Variants in TJAP1 observed in about 807,000 individuals in gnomAD.
TJAP1 encodes tight junction associated protein 1.
In TJAP1, 27 loss-of-function variants were observed where a neutral mutation model predicts 42.0. The ratio of observed to expected loss-of-function variants is 0.64; its 90% CI spans 0.47 to 0.89. The LOEUF (loss-of-function observed/expected upper bound fraction) is 0.89, where lower values mean the gene tolerates loss of function less well. Among genes scored for constraint, TJAP1 ranks in the 40% least tolerant of loss-of-function variants. TJAP1 has a pLI of 0.00. For missense variants in TJAP1, 712 were observed against 726.9 expected, an observed-to-expected ratio of 0.98 and a Z score of 0.24; for synonymous variants, 257 against 288.4, an observed-to-expected ratio of 0.89 and a Z score of 1.10.
At chr6:43,503,036 T>G (rs915923306) in intron 8 of TJAP1, 1 of 444,162 alleles carries the variant, frequency 2.3e-6, no homozygotes, top group South Asian at 2.4e-5. Context: ...AGCCTGATGC[T>G]GGAAACAGCT....
rs1185445365 is a variant in TJAP1, at chr6:43,505,547, G to A, written c.1366G>A (p.Val456Met). 2 of 1,613,900 alleles carry A rather than the reference G, an allele frequency of 1.2e-6. No homozygotes were observed. Among genetic ancestry groups the A allele is most frequent in the African/African-American group, 1.3e-5 (1 of 75,058 alleles). ...CCATAGCCCCGCTGACAGAGATGAG[G>A]TGGTCCAGGCACCTTCTGCCCGACC... is the stretch of plus-strand genomic sequence containing the variant. The change falls in exon 11 of 11, where the codon GTG (valine) becomes ATG (methionine). Residue 456 changes from valine to methionine, a missense_variant. By Grantham distance (21) the Val-to-Met change is conservative. Coordinates refer to ENST00000372449, the Ensembl canonical transcript of TJAP1. The surrounding 1 kb of genome is among the most constrained non-coding windows in gnomAD (Gnocchi z 5.5).
chr6:43,478,549 C>A (rs965330154), intron 2 of TJAP1: 4 of 152,226 alleles, frequency 2.6e-5, no homozygotes, highest in African/African-American at 7.2e-5. Context: ...GCTTCAATAT[C>A]CCCATCACTT....
At chr6:43,479,983 G>C (rs1179937310) in intron 2 of TJAP1, among the ~76,000 whole-genome samples, 2 of 151,798 alleles carry the variant, frequency 1.3e-5, no homozygotes, top group African/African-American at 4.8e-5. Context: ...AAGAAAAAAA[G>C]CGTCTCCAAA....
chr6:43,486,018 G>A (rs374639341), intron 2 of TJAP1, among the ~76,000 whole-genome samples: 12 of 150,714 alleles, frequency 8.0e-5, no homozygotes, highest in African/African-American at 2.9e-4. Flanking sequence ...GTTGCTCAGG[G>A]TGGAGTGCAG....
At position 43,504,489 on chromosome 6, in the gene TJAP1, G is replaced by A. The variant is rs1209686942; in HGVS notation, c.580-272G>A. On this transcript the variant is annotated intron_variant, in intron 10 of 10. Transcript: ENST00000372449. ...CTTAAGTATGGTTTGGGCAGAAGCTGGGAGATAGAAGTTTGAGAACATGCT... is the reference window on the plus strand; with the variant it reads ...CTTAAGTATGGTTTGGGCAGAAGCTAGGAGATAGAAGTTTGAGAACATGCT... 5 of 514,924 alleles carry A rather than the reference G, an allele frequency of 9.7e-6. No individual in the cohort carries two copies. The East Asian group carries it at 1.7e-4, about 17-fold the overall frequency. 31.9% of individuals were successfully genotyped at this position (514,924 alleles called of 1,614,324 possible).
exon 7 of TJAP1, chr6:43,502,344 A>G: frequency 6.2e-7 from 1 of 1,613,578 alleles, no homozygotes; most frequent in Non-Finnish European, 8.5e-7. Flanking sequence ...CAAGCTGCAC[A>G]CACTGGTAAT....
chr6:43,490,104 G>A lies in TJAP1; in HGVS notation c.-121-7777G>A, dbSNP rs552884673. Reference sequence around the variant, plus strand: ...CCTCTGTCCTCCATCCTTCCCCGCAGCCTGGCTGCCTCCCTCCTTAGCTTA... The same window carrying A: ...CCTCTGTCCTCCATCCTTCCCCGCAACCTGGCTGCCTCCCTCCTTAGCTTA... On this transcript the variant is annotated intron_variant, in intron 2 of 10. Coordinates refer to ENST00000372449, the Ensembl canonical transcript of TJAP1. Among the ~76,000 whole-genome samples the A allele has an allele frequency of 1.0e-3, 158 of 152,328 alleles. 1 individual carries two copies. The South Asian group carries it at 0.013, about 12-fold the overall frequency.
At chr6:43,496,685 G>GC (rs771665831) in intron 2 of TJAP1, among the ~76,000 whole-genome samples, 6 of 152,322 alleles carry the variant, frequency 3.9e-5, no homozygotes, top group Non-Finnish European at 5.9e-5. Context: ...AGGAGTCATG[G>GC]CCAGGGCATG....
chr6:43,502,862 T>C (rs1295427252), intron 8 of TJAP1: 1 of 581,734 alleles, frequency 1.7e-6, no homozygotes, highest in Non-Finnish European at 3.1e-6. Context: ...CCAAAGCTTC[T>C]TGGCTCCAGT....
At chr6:43,502,493 C>G (rs1791162660) in intron 7 of TJAP1, 95 bp from the exon 8 acceptor site, 2 of 1,516,466 alleles carry the variant, frequency 1.3e-6, no homozygotes, top group Non-Finnish European at 1.8e-6. Context: ...GCAGTGTGCT[C>G]TGCAAGTCAA....
chr6:43,479,365 CTGA>C (rs1398092212), intron 2 of TJAP1, among the ~76,000 whole-genome samples: 1 of 152,224 alleles, frequency 6.6e-6, no homozygotes, highest in Non-Finnish European at 1.5e-5. Flanking sequence ...ATTTGAAGAA[CTGA>C]TGATATGTAG....
intron 2 of TJAP1, among the ~76,000 whole-genome samples, chr6:43,493,889 A>G (rs1479751771): frequency 6.6e-6 from 1 of 152,166 alleles, no homozygotes; most frequent in Non-Finnish European, 1.5e-5. Context: ...AGCAGGTATA[A>G]GTCCCACCTC....
chr6:43,502,534 C>T (rs1274794095), intron 7 of TJAP1, 54 bp from the exon 8 acceptor site: 1 of 1,548,766 alleles, frequency 6.5e-7, no homozygotes, highest in African/African-American at 1.4e-5. Context: ...TGTTTCTCTT[C>T]TTTCCTCGTC....
intron 2 of TJAP1, among the ~76,000 whole-genome samples, chr6:43,493,623 C>T (rs1181420317): frequency 6.6e-6 from 1 of 152,186 alleles, no homozygotes; most frequent in African/African-American, 2.4e-5. Flanking sequence ...TCCTCTTCTG[C>T]ATCTCTGACT....
At position 43,479,737 on chromosome 6, in the gene TJAP1, C is replaced by T. The variant is rs921638198; in HGVS notation, c.-122+1505C>T. 2.0e-5 allele frequency among the ~76,000 whole-genome samples: 3 copies of T among 152,104 alleles called. No individual in the cohort carries two copies. In the East Asian group the frequency reaches 5.8e-4, roughly 29 times the overall value. ...CTGTAATTCTAGCATTTTGGGAGGCCGAGGCAGGCGGATCACGAGGTCAAG... is the reference window on the plus strand; with the variant it reads ...CTGTAATTCTAGCATTTTGGGAGGCTGAGGCAGGCGGATCACGAGGTCAAG... On this transcript the variant is annotated intron_variant, in intron 2 of 10. Transcript: ENST00000372449.
At chr6:43,486,413 C>T (rs1389902697) in intron 2 of TJAP1, among the ~76,000 whole-genome samples, 11 of 135,728 alleles carry the variant, frequency 8.1e-5, no homozygotes, top group African/African-American at 2.5e-4. Context: ...GGGAGTGCAG[C>T]GGCGCGATCC....
At chr6:43,504,177 C>A in intron 10 of TJAP1, 2 of 256,164 alleles carry the variant, frequency 7.8e-6, no homozygotes, top group South Asian at 4.6e-5. Flanking sequence ...TGCAGTGGCA[C>A]AATCTCGGCT....
chr6:43,484,557 C>G (rs987571241), intron 2 of TJAP1, among the ~76,000 whole-genome samples: 11 of 152,194 alleles, frequency 7.2e-5, no homozygotes, highest in African/African-American at 2.7e-4. Flanking sequence ...AGGCTTTGTT[C>G]TATTAAATCT....
chr6:43,490,211 T>C (rs969850126), intron 2 of TJAP1, among the ~76,000 whole-genome samples: 3 of 152,254 alleles, frequency 2.0e-5, no homozygotes, highest in Admixed American at 6.5e-5. Context: ...TGGGTGGGGA[T>C]GTGCCCCCTT....
Sources: gnomAD v4.1 joint callset for allele counts (sites outside exome capture counted in the v4.1 genomes callset) on GRCh38, gnomAD v4.1.1 for gene constraint, Gnocchi (gnomAD v3.1) non-coding constraint, MANE v1.5 for transcripts, NCBI Gene and HGNC (gene_info 2026-07-23, HGNC 2026-07-21) for gene names.